TNFSF15: variants seen among roughly 807,000 people sequenced by gnomAD.
TNFSF15 encodes the protein TNF superfamily member 15.
Under a neutral mutation model 26.4 loss-of-function variants are expected in TNFSF15, and 15 were observed. That is an observed-to-expected ratio of 0.57 (90% confidence interval 0.38 to 0.87). TNFSF15 has a LOEUF of 0.87. Ranked by LOEUF, TNFSF15 falls within the 40% of genes least tolerant of loss-of-function variation. TNFSF15 has a pLI of 0.00. For missense variants in TNFSF15, 290 were observed against 306.1 expected (o/e 0.95, Z 0.39); for synonymous variants, 116 against 115.0 (o/e 1.01, Z -0.06).
rs1829560242 is a variant in TNFSF15 at position 114,789,560 on chromosome 9, C to A, written c.*892G>T. 6.6e-6 allele frequency: 1 copy of A among 152,258 alleles called. No homozygotes were observed. Among genetic ancestry groups the A allele is most frequent in the Non-Finnish European group, 1.5e-5 (1 of 68,114 alleles). 9.4% of individuals were successfully genotyped at this position (152,258 alleles called of 1,614,324 possible). ...AACTCCCGGCCTTAGATGATCCACC[C>A]ACCTTGGCCTCCCAAAGTGTTGGGA... On this transcript the variant is annotated 3_prime_UTR_variant, in exon 4 of 4. Transcript: ENST00000374045.
At chr9:114,796,261 C>T (rs1176021045) in intron 1 of TNFSF15, among the ~76,000 whole-genome samples, 1 of 152,142 alleles carries the variant, frequency 6.6e-6, no homozygotes, top group African/African-American at 2.4e-5. Context: ...TTCTCCTTTT[C>T]CTTGATCTAT....
chr9:114,805,527 C>T (rs78512207), intron 1 of TNFSF15, among the ~76,000 whole-genome samples: 5,681 of 152,000 alleles, frequency 0.037, 382 homozygotes, highest in African/African-American at 0.13. Context: ...AGAATCTTCC[C>T]AAATTACCAG....
chr9:114,800,268 T>C (rs1259376349), intron 1 of TNFSF15, among the ~76,000 whole-genome samples: 1 of 152,162 alleles, frequency 6.6e-6, no homozygotes, highest in Non-Finnish European at 1.5e-5. Context: ...AGTGAGTCTA[T>C]GGCCCAGGGA....
At chr9:114,792,194 CGTGT>C (rs997667106) in intron 3 of TNFSF15, 4 of 532,124 alleles carry the variant, frequency 7.5e-6, no homozygotes, top group African/African-American at 4.0e-5. Context: ...ATAAGGAAAA[CGTGT>C]GTGTGTGTGT....
At position 114,806,007 on chromosome 9, in the gene TNFSF15, G is replaced by A. The variant is rs200322680; in HGVS notation, c.6C>T (p.Ala2=). The A allele has an allele frequency of 9.3e-6, 15 of 1,613,528 alleles. No individual in the cohort carries two copies. The highest frequency in any genetic ancestry group is 1.7e-4 in the Middle Eastern group (1 of 6,028). Residue 2 remains alanine (A), a synonymous_variant, in exon 1 of 4, where the codon GCC becomes GCT. Transcript: ENST00000374045. ...CCCCAAAGCTCAGTCCCAGATCCTC[G>A]GCCATGCTCCTGCTGCTCCTGGAGG... M[A]EDLGLSFGET... is the part of the protein sequence containing the mutation.
intron 1 of TNFSF15, among the ~76,000 whole-genome samples, chr9:114,799,846 C>T (rs1359210830): frequency 6.6e-6 from 1 of 152,210 alleles, no homozygotes; most frequent in East Asian, 1.9e-4. Flanking sequence ...CTTGCCCTTC[C>T]TGCCTCTGCA....
rs569493946 is a variant in TNFSF15, at chr9:114,792,614, C to T, written c.254-160G>A. 1.5e-5 allele frequency: 22 copies of T among 1,481,396 alleles called. No individual in the cohort carries two copies. In the South Asian group the frequency reaches 2.8e-4, roughly 19 times the overall value. 91.8% of individuals were successfully genotyped at this position (1,481,396 alleles called of 1,614,324 possible). ...TGCAGGATTTTGGATTGGAATGTGG[C>T]ACCCGCAGCAAGCACCACCAAGGAC... is the stretch of plus-strand genomic sequence containing the variant. On this transcript the variant is annotated intron_variant, in intron 2 of 3. Transcript: ENST00000374045.
chr9:114,796,835 A>G (rs56357980), intron 1 of TNFSF15, among the ~76,000 whole-genome samples: 2,468 of 152,346 alleles, frequency 0.016, 33 homozygotes, highest in Middle Eastern at 0.034. Flanking sequence ...GCACAGAGTC[A>G]TGAGTACAGC....
At chr9:114,792,265 A>T in intron 3 of TNFSF15, 142 bp downstream of exon 3, 1 of 779,596 alleles carries the variant, frequency 1.3e-6, no homozygotes, top group Non-Finnish European at 2.0e-6. Flanking sequence ...ACACACACAC[A>T]CTGGAATATT....
At chr9:114,801,255 G>A (rs752302486) in intron 1 of TNFSF15, among the ~76,000 whole-genome samples, 1 of 152,308 alleles carries the variant, frequency 6.6e-6, no homozygotes, top group South Asian at 2.1e-4. Context: ...TGGTCTCAGG[G>A]CACCTGGGCC....
chr9:114,790,345 C>A lies in TNFSF15; in HGVS notation c.*107G>T. On this transcript the variant is annotated 3_prime_UTR_variant, in exon 4 of 4. Coordinates refer to ENST00000374045, the MANE Select transcript of TNFSF15 (RefSeq NM_005118.4). ...CTAAACCGTTGTCCCTGTGGAATGC[C>A]CCCTACTCCCGGCCCCAAGAAAACC... is the stretch of plus-strand genomic sequence containing the variant. The A allele has an allele frequency of 1.7e-6, 2 of 1,146,160 alleles. No individual in the cohort carries two copies. The highest frequency in any genetic ancestry group is 2.5e-6 in the Non-Finnish European group (2 of 806,996). The allele number at this position is 1,146,160 out of a possible 1,614,324, so 71.0% of individuals were successfully genotyped here.
At chr9:114,804,445 C>T (rs1829790097) in intron 1 of TNFSF15, among the ~76,000 whole-genome samples, 1 of 152,180 alleles carries the variant, frequency 6.6e-6, no homozygotes, top group Admixed American at 6.5e-5. Context: ...CAGACATCAT[C>T]TTGATCGTGG....
At chr9:114,802,754 G>A (rs1829765742) in intron 1 of TNFSF15, among the ~76,000 whole-genome samples, 1 of 152,148 alleles carries the variant, frequency 6.6e-6, no homozygotes, top group Non-Finnish European at 1.5e-5. Context: ...TGGTATAGTT[G>A]TGGTAATAGT....
chr9:114,801,289 T>A (rs184279042), intron 1 of TNFSF15, among the ~76,000 whole-genome samples: 4 of 152,154 alleles, frequency 2.6e-5, no homozygotes, highest in Non-Finnish European at 5.9e-5. Context: ...GTGGACCCAA[T>A]CTGAGGGCAG....
Position 114,790,872 on chromosome 9 carries a change from A to T in TNFSF15, c.336T>A (p.Asn112Lys), listed in dbSNP as rs773380295. The change falls in exon 4 of 4, where the codon AAT becomes AAA. Residue 112 changes from asparagine to lysine, a missense_variant. Asn to Lys is a moderately conservative substitution (Grantham distance 94). Coordinates refer to ENST00000374045, the MANE Select transcript of TNFSF15 (RefSeq NM_005118.4). ...GTTCCCAGTGCAGAGCTGGGAACTG[A>T]TTTTTAAAGTGCTGTGTGGGAGTTT... is the stretch of plus-strand genomic sequence containing the variant. The part of the protein sequence containing the change: ...VRQTPTQHFK[N>K]QFPALHWEHE... The T allele has an allele frequency of 1.9e-6, 3 of 1,614,046 alleles. No individual in the cohort carries two copies. The highest frequency in any genetic ancestry group is 1.3e-5 in the African/African-American group (1 of 74,908).
Position 114,793,581 on chromosome 9 carries a change from A to G in TNFSF15, c.211-13T>C. ...GTCCTTTTAGAGCCTATTGGGAAAG[A>G]AAGTATAGTTTAGACCAACTGTGGT... On this transcript the variant is annotated splice_polypyrimidine_tract_variant and intron_variant, in intron 1 of 3. Coordinates refer to ENST00000374045, the MANE Select transcript of TNFSF15 (RefSeq NM_005118.4). 1.2e-6 allele frequency: 2 copies of G among 1,613,618 alleles called. No homozygotes were observed. Among genetic ancestry groups the G allele is most frequent in the Non-Finnish European group, 1.7e-6 (2 of 1,179,574 alleles).
At position 114,785,972 on chromosome 9, in the gene TNFSF15, T is replaced by A. The variant is rs1243564028; in HGVS notation, c.*4480A>T. 1 of 152,050 alleles carries A rather than the reference T, an allele frequency of 6.6e-6. No individual in the cohort carries two copies. The highest frequency in any genetic ancestry group is 2.4e-5 in the African/African-American group (1 of 41,262). 9.4% of individuals were successfully genotyped at this position (152,050 alleles called of 1,614,324 possible). ...GTGGTATTTTCATCTTAAAATGGGG[T>A]GATGGAAGGGGTGGAGGCAAGTGTG... is the stretch of plus-strand genomic sequence containing the variant. On this transcript the variant is annotated 3_prime_UTR_variant, in exon 4 of 4. Coordinates refer to ENST00000374045, the MANE Select transcript of TNFSF15 (RefSeq NM_005118.4).
In TNFSF15 at chr9:114,790,117, A is replaced by C; in HGVS notation, c.*335T>G. ...GGACCACTGGTGACCATTGTATAGCAGGAAGGTGTTGAAATATTTCTCTTT... is the reference window on the plus strand; with the variant it reads ...GGACCACTGGTGACCATTGTATAGCCGGAAGGTGTTGAAATATTTCTCTTT... On this transcript the variant is annotated 3_prime_UTR_variant, in exon 4 of 4. Transcript: ENST00000374045. 1 of 192,822 alleles carries C rather than the reference A, an allele frequency of 5.2e-6. No individual in the cohort carries two copies. Among genetic ancestry groups the C allele is most frequent in the Non-Finnish European group, 1.1e-5 (1 of 92,548 alleles). The allele number at this position is 192,822 out of a possible 1,614,324, so 11.9% of individuals were successfully genotyped here. A position where few individuals can be genotyped will look rare whatever the true frequency, so the allele number is the denominator to read the frequency against.
At chr9:114,803,987 C>T (rs1296534894) in intron 1 of TNFSF15, among the ~76,000 whole-genome samples, 1 of 152,198 alleles carries the variant, frequency 6.6e-6, no homozygotes, top group East Asian at 1.9e-4. Context: ...TATTCTTCTA[C>T]AAATGCACTT....
Sources: gnomAD v4.1 joint callset for allele counts (sites outside exome capture counted in the v4.1 genomes callset) on GRCh38, gnomAD v4.1.1 for gene constraint, MANE v1.5 for transcripts, NCBI Gene and HGNC (gene_info 2026-07-23, HGNC 2026-07-21) for gene names.